Variants in PRKG1 observed in about 807,000 individuals in gnomAD.
The protein encoded by PRKG1 is cGMP-dependent protein kinase 1.
Under a neutral mutation model 88.1 loss-of-function variants are expected in PRKG1, and 35 were observed. The ratio of observed to expected loss-of-function variants is 0.40; its 90% CI spans 0.30 to 0.53. PRKG1 has a LOEUF of 0.53. Among genes scored for constraint, PRKG1 ranks in the 20% least tolerant of loss-of-function variants. The pLI, the probability that PRKG1 is intolerant of heterozygous loss-of-function variation, is 0.59. For missense variants in PRKG1, 540 were observed against 839.8 expected (o/e 0.64, Z 4.41); for synonymous variants, 303 against 292.5 (o/e 1.04, Z -0.37).
intron 2 of PRKG1, among the ~76,000 whole-genome samples, chr10:51,390,130 A>C (rs1837359001): frequency 6.6e-6 from 1 of 152,218 alleles, no homozygotes; most frequent in Admixed American, 6.5e-5. Flanking sequence ...ACTTCAGTTG[A>C]TAGTACAGCA....
intron 3 of PRKG1, among the ~76,000 whole-genome samples, chr10:51,570,957 T>C (rs985534829): frequency 2.0e-5 from 3 of 152,000 alleles, no homozygotes; most frequent in African/African-American, 7.2e-5. Context: ...CGACTTATAA[T>C]ATAACAGGTG....
chr10:51,874,996 C>G (rs1213197805), intron 4 of PRKG1, among the ~76,000 whole-genome samples: 1 of 152,142 alleles, frequency 6.6e-6, no homozygotes, highest in Non-Finnish European at 1.5e-5. Flanking sequence ...AGCCACTAGA[C>G]CTTACAAATG....
In PRKG1 at chr10:52,177,579, A is replaced by T. The variant is rs115954043; in HGVS notation, c.1076+15616A>T. Among the ~76,000 whole-genome samples the T allele has an allele frequency of 4.4e-3, 670 of 152,200 alleles. 4 individuals carry two copies. The highest frequency in any genetic ancestry group is 0.015 in the African/African-American group (634 of 41,558). On this transcript the variant is annotated intron_variant, in intron 9 of 17. Coordinates refer to ENST00000373980, the MANE Select transcript of PRKG1 (RefSeq NM_006258.4). ...TGGAATATTTTGAGAATAATTGATAATAAATCTTTAAATGTTTGGTGGAAT... is the reference window on the plus strand; with the variant it reads ...TGGAATATTTTGAGAATAATTGATATTAAATCTTTAAATGTTTGGTGGAAT...
chr10:51,835,661 C>G (rs771280078), intron 4 of PRKG1, among the ~76,000 whole-genome samples: 7 of 152,144 alleles, frequency 4.6e-5, no homozygotes, highest in Admixed American at 2.0e-4. Flanking sequence ...GTTTCCATAT[C>G]TTGGTTATTG....
At chr10:51,630,889 G>T (rs1479192476) in intron 3 of PRKG1, among the ~76,000 whole-genome samples, 2 of 152,204 alleles carry the variant, frequency 1.3e-5, no homozygotes, top group Non-Finnish European at 2.9e-5. Flanking sequence ...GATGCTGTCA[G>T]TGCAGACACA....
At chr10:51,408,006 A>C (rs1419936006) in intron 2 of PRKG1, among the ~76,000 whole-genome samples, 1 of 152,194 alleles carries the variant, frequency 6.6e-6, no homozygotes, top group Non-Finnish European at 1.5e-5. Context: ...TCTAGAAAGA[A>C]CTAAGACCTC....
chr10:52,285,292 G>T (rs1329265419), intron 14 of PRKG1, among the ~76,000 whole-genome samples: 1 of 152,038 alleles, frequency 6.6e-6, no homozygotes, highest in Non-Finnish European at 1.5e-5. Flanking sequence ...GCATTTATTG[G>T]ACTGGGTACA....
At chr10:51,643,415 T>G (rs1839846453) in intron 3 of PRKG1, among the ~76,000 whole-genome samples, 1 of 152,218 alleles carries the variant, frequency 6.6e-6, no homozygotes, top group African/African-American at 2.4e-5. Context: ...CATACATCTC[T>G]CTAGGAAGTT....
Position 52,135,032 on chromosome 10 carries a change from G to A in PRKG1, c.1001+1127G>A, listed in dbSNP as rs1449770452. ...GCATTGTCCTGGAAGAAGATTCAAA[G>A]GAGCAGCACAGATGCTGGTTTTAAG... On this transcript the variant is annotated intron_variant, in intron 8 of 17. Coordinates refer to ENST00000373980, the MANE Select transcript of PRKG1 (RefSeq NM_006258.4). Among the ~76,000 whole-genome samples the A allele has an allele frequency of 3.3e-5, 5 of 152,226 alleles. No individual in the cohort carries two copies. The East Asian group carries it at 9.6e-4, about 29-fold the overall frequency.
Position 52,108,887 on chromosome 10 carries a change from C to T in PRKG1, c.936-24953C>T, listed in dbSNP as rs549274238. Among the ~76,000 whole-genome samples the T allele has an allele frequency of 3.0e-3, 123 of 41,294 alleles. 2 individuals are homozygous for T. Among genetic ancestry groups the T allele is most frequent in the Non-Finnish European group, 4.0e-3 (87 of 21,860 alleles). 27.1% of individuals were successfully genotyped at this position (41,294 alleles called of 152,430 possible). Reference sequence around the variant, plus strand: ...TGTCGCCCAAGTTGGAGTGCAGTGGCGCAATCTCAGCTCACTGCAACCTAC... The same window carrying T: ...TGTCGCCCAAGTTGGAGTGCAGTGGTGCAATCTCAGCTCACTGCAACCTAC... On this transcript the variant is annotated intron_variant, in intron 7 of 17. Coordinates refer to ENST00000373980, the MANE Select transcript of PRKG1 (RefSeq NM_006258.4).
At chr10:52,098,070 G>T (rs1589604098) in intron 7 of PRKG1, among the ~76,000 whole-genome samples, 1 of 152,190 alleles carries the variant, frequency 6.6e-6, no homozygotes, top group Admixed American at 6.5e-5. Flanking sequence ...TTGAGAAAAA[G>T]TTCCATGCAG....
chr10:51,708,502 C>G (rs1841664543), intron 3 of PRKG1, among the ~76,000 whole-genome samples: 1 of 152,188 alleles, frequency 6.6e-6, no homozygotes, highest in Non-Finnish European at 1.5e-5. Flanking sequence ...CTTTCTCTCT[C>G]TCTCAAAATC....
Position 51,276,598 on chromosome 10 carries a change from C to T in PRKG1, c.478+123268C>T, listed in dbSNP as rs534512150. On this transcript the variant is annotated intron_variant, in intron 2 of 17. Transcript: ENST00000373980. ...TCCCACCAACAGTGTAAAAGTGTTC[C>T]TATTTCTCCACATCCTCTCCAGCAC... Among the ~76,000 whole-genome samples the T allele has an allele frequency of 2.2e-3, 339 of 152,210 alleles. 3 individuals carry two copies. The highest frequency in any genetic ancestry group is 4.4e-3 in the South Asian group (21 of 4,818).
rs192732472 is a variant in PRKG1 at position 51,114,617 on chromosome 10, A to G, written c.312-38547A>G. On this transcript the variant is annotated intron_variant, in intron 1 of 17. Coordinates refer to ENST00000373980, the MANE Select transcript of PRKG1 (RefSeq NM_006258.4). ...ACCTGGAAGCAATCAAGTAGATAAC[A>G]TCAACTAAAATGTGTGGAACTGGTA... Among the ~76,000 whole-genome samples, 5 of 152,344 alleles carry G rather than the reference A, an allele frequency of 3.3e-5. No individual in the cohort carries two copies. The East Asian group carries it at 9.6e-4, about 29-fold the overall frequency.
chr10:52,049,591 G>C (rs866414987), intron 5 of PRKG1, among the ~76,000 whole-genome samples: 5 of 152,122 alleles, frequency 3.3e-5, no homozygotes, highest in African/African-American at 1.2e-4. Flanking sequence ...GGGATGGTTT[G>C]GGGTATGATG....
chr10:51,890,768 C>T (rs528595423), intron 4 of PRKG1, among the ~76,000 whole-genome samples: 73 of 152,248 alleles, frequency 4.8e-4, no homozygotes, highest in Middle Eastern at 3.4e-3. Context: ...CCAGCCTGGC[C>T]AACATGGGGA....
chr10:51,676,648 T>A (rs1840719040), intron 3 of PRKG1, among the ~76,000 whole-genome samples: 1 of 152,152 alleles, frequency 6.6e-6, no homozygotes, highest in Admixed American at 6.6e-5. Context: ...AAAATAAAAG[T>A]CTGCTAAATT....
At chr10:51,752,312 T>G (rs73345360) in intron 3 of PRKG1, among the ~76,000 whole-genome samples, 88 of 152,330 alleles carry the variant, frequency 5.8e-4, no homozygotes, top group African/African-American at 1.9e-3. Flanking sequence ...TTCCTAAAAC[T>G]GCTGAAGTAT....
At chr10:51,334,159 TCTC>T (rs749675043) in intron 2 of PRKG1, among the ~76,000 whole-genome samples, 1,402 of 38,088 alleles carry the variant, frequency 0.037, 7 homozygotes, top group Non-Finnish European at 0.075. Flanking sequence ...TCTTTCTCTC[TCTC>T]TCTCTCTCTC....
Sources: allele counts gnomAD v4.1 joint callset (sites outside exome capture counted in the v4.1 genomes callset), GRCh38; gene constraint gnomAD v4.1.1; transcripts MANE v1.5; gene names NCBI Gene and HGNC (gene_info 2026-07-23, HGNC 2026-07-21).